ZNF75A: variants seen among roughly 807,000 people sequenced by gnomAD.
ZNF75A encodes the protein zinc finger protein 75A.
A neutral mutation model predicts 46.3 loss-of-function variants in ZNF75A; 36 were observed. The observed-to-expected ratio is 0.78, with a 90% CI of 0.60 to 1.03. ZNF75A has a LOEUF of 1.03. Ranked by LOEUF, ZNF75A falls within the 50% of genes least tolerant of loss-of-function variation. The pLI is 0.00. For synonymous variants in ZNF75A, 234 were observed against 189.9 expected, an observed-to-expected ratio of 1.23 and a Z score of -1.91; for missense variants, 595 against 551.3, an observed-to-expected ratio of 1.08 and a Z score of -0.79.
chr16:3,317,882 C>G lies in ZNF75A; in HGVS notation c.*13C>G. On this transcript the variant is annotated 3_prime_UTR_variant, in exon 7 of 7. Coordinates refer to ENST00000669516, the MANE Select transcript of ZNF75A (RefSeq NM_001302109.2). ...ACTCCACCTGTGAAGAGAAGCTTGT[C>G]CAGTGTCCTCATTCTGAAGACATTC... 6.3e-7 allele frequency: 1 copy of G among 1,575,350 alleles called. No individual in the cohort carries two copies. The highest frequency in any genetic ancestry group is 1.2e-5 in the South Asian group (1 of 85,184).
chr16:3,312,948 GTTCTT>G, intron 4 of ZNF75A, 96 bp from the exon 5 acceptor site: 1 of 1,413,942 alleles, frequency 7.1e-7, no homozygotes, highest in Non-Finnish European at 9.4e-7. Flanking sequence ...AAAAAATCAT[GTTCTT>G]TTAATTCCTT....
chr16:3,323,235 G>C, downstream of ZNF75A: 1 of 767,736 alleles, frequency 1.3e-6, no homozygotes, highest in East Asian at 2.5e-5. Context: ...CCAATAGCCA[G>C]ATGTGCCCAT....
chr16:3,323,344 G>T, downstream of ZNF75A: 1 of 1,107,726 alleles, frequency 9.0e-7, no homozygotes, highest in Non-Finnish European at 1.4e-6. Flanking sequence ...TGCTTCACTG[G>T]GAGGCAATTT....
chr16:3,310,007 ATTGC>A, intron 2 of ZNF75A, among the ~76,000 whole-genome samples: 1 of 152,060 alleles, frequency 6.6e-6, no homozygotes, highest in East Asian at 1.9e-4. Context: ...AGGTGAGAGA[ATTGC>A]TTGACCCAGA....
chr16:3,320,657 G>A (rs554360857), downstream of ZNF75A, among the ~76,000 whole-genome samples: 9 of 152,252 alleles, frequency 5.9e-5, no homozygotes, highest in South Asian at 2.1e-4. Flanking sequence ...CTCCCTGCGC[G>A]TTGCCTCATG....
chr16:3,307,365 A>G (rs965120909), intron 1 of ZNF75A: 1 of 152,232 alleles, frequency 6.6e-6, no homozygotes, highest in Non-Finnish European at 1.5e-5. Context: ...ATGCAGTTAG[A>G]TGCTGTTGGG....
At chr16:3,317,126 T>C in intron 6 of ZNF75A, 64 bp from the exon 7 acceptor site, 1 of 1,545,834 alleles carries the variant, frequency 6.5e-7, no homozygotes, top group Non-Finnish European at 8.8e-7. Context: ...ATTGAATTTT[T>C]CTTTTTATTC....
At chr16:3,312,870 TG>T in intron 4 of ZNF75A, 102 bp downstream of exon 4, 1 of 1,157,116 alleles carries the variant, frequency 8.6e-7, no homozygotes, top group Non-Finnish European at 1.2e-6. Context: ...GGGTGTTCTC[TG>T]GGCAACTGGG....
At chr16:3,310,086 C>T (rs1356171337) in intron 2 of ZNF75A, among the ~76,000 whole-genome samples, 1 of 151,210 alleles carries the variant, frequency 6.6e-6, no homozygotes, top group Admixed American at 6.6e-5. Context: ...AGAGTGAGAC[C>T]TTGTCTCTTA....
At chr16:3,320,915 G>C (rs573695347), downstream of ZNF75A, among the ~76,000 whole-genome samples, 25 of 152,280 alleles carry the variant, frequency 1.6e-4, no homozygotes, top group African/African-American at 6.0e-4. Context: ...GGAGAAACTT[G>C]GGCAGGGAGG....
rs1324068045 is a variant in ZNF75A, at chr16:3,308,314, G to A, written c.-115G>A. ...TACTTTTCTTTTTCTTGTCCTCAGT[G>A]CTTTTAGGAAGAAGATCCTTTTATT... On this transcript the variant is annotated splice_region_variant and 5_prime_UTR_variant, in exon 2 of 7. Transcript: ENST00000669516. 6.9e-6 allele frequency: 5 copies of A among 728,428 alleles called. No individual in the cohort carries two copies. Among genetic ancestry groups the A allele is most frequent in the Non-Finnish European group, 6.7e-6 (4 of 595,150 alleles). The allele number at this position is 728,428 out of a possible 1,614,324, so 45.1% of individuals were successfully genotyped here.
chr16:3,310,391 G>A (rs991544950), intron 2 of ZNF75A, among the ~76,000 whole-genome samples: 3 of 150,736 alleles, frequency 2.0e-5, no homozygotes, highest in African/African-American at 4.9e-5. Context: ...GAGACTCCAT[G>A]TGAAAAAAAA....
At chr16:3,315,643 T>C (rs903415336) in intron 5 of ZNF75A, among the ~76,000 whole-genome samples, 1 of 152,212 alleles carries the variant, frequency 6.6e-6, no homozygotes, top group Non-Finnish European at 1.5e-5. Context: ...CAGTGTCATC[T>C]TGAAGCAGAT....
At chr16:3,310,410 T>C (rs1960665714) in intron 2 of ZNF75A, among the ~76,000 whole-genome samples, 1 of 151,022 alleles carries the variant, frequency 6.6e-6, no homozygotes, top group African/African-American at 2.4e-5. Context: ...AAAATGTTTT[T>C]AAAAATTAGG....
downstream of ZNF75A, chr16:3,323,249 C>A (rs2030010174): frequency 2.5e-6 from 2 of 788,090 alleles, no homozygotes; most frequent in Admixed American, 1.7e-5. Context: ...TGCCCATCTC[C>A]TTGAGGAAGC....
intron 1 of ZNF75A, chr16:3,306,129 C>G (rs1488919716): frequency 6.6e-6 from 1 of 152,166 alleles, no homozygotes; most frequent in Non-Finnish European, 1.5e-5. Context: ...CCGGTGGCAT[C>G]CTGGGCAGAA....
chr16:3,310,602 G>A (rs34196623), intron 2 of ZNF75A: 69,606 of 908,126 alleles, frequency 0.077, 3,026 homozygotes, highest in Non-Finnish European at 0.086. Context: ...CCCCAGCCTG[G>A]GTGACAGAGT....
chr16:3,315,566 C>T (rs1278699390), intron 5 of ZNF75A, among the ~76,000 whole-genome samples: 2 of 152,154 alleles, frequency 1.3e-5, no homozygotes, highest in Admixed American at 1.3e-4. Flanking sequence ...TTTCTTAGCT[C>T]TACTTTGACA....
rs1961374502 is a variant in ZNF75A at position 3,318,228 on chromosome 16, A to G, written c.*359A>G. On this transcript the variant is annotated 3_prime_UTR_variant, in exon 7 of 7. Transcript: ENST00000669516. ...AATTTCCATAGTCTCATGAGGCCGA[A>G]ATGAATTACAATGTAAAGTGTTCCA... The G allele has an allele frequency of 9.9e-7, 1 of 1,005,746 alleles. No individual in the cohort carries two copies. The highest frequency in any genetic ancestry group is 1.7e-5 in the African/African-American group (1 of 57,956). 62.3% of individuals were successfully genotyped at this position (1,005,746 alleles called of 1,614,324 possible).
Sources: gnomAD v4.1 joint callset for allele counts (sites outside exome capture counted in the v4.1 genomes callset) on GRCh38, gnomAD v4.1.1 for gene constraint, MANE v1.5 for transcripts, NCBI Gene and HGNC (gene_info 2026-07-23, HGNC 2026-07-21) for gene names.